GPHN: variants seen among roughly 807,000 people sequenced by gnomAD.
The protein encoded by GPHN is gephyrin.
GPHN carries 17 observed loss-of-function variants against 95.5 expected under a neutral mutation model. The ratio of observed to expected loss-of-function variants is 0.18; its 90% CI spans 0.12 to 0.27. GPHN has a LOEUF of 0.27. GPHN is among the 10% of genes least tolerant of loss of function. GPHN has a pLI of 1.00. For synonymous variants in GPHN, 320 were observed against 322.5 expected, an observed-to-expected ratio of 0.99 and a Z score of 0.08; for missense variants, 660 against 978.1, an observed-to-expected ratio of 0.67 and a Z score of 4.34.
chr14:66,950,344 A>G (rs2068030907), intron 8 of GPHN, among the ~76,000 whole-genome samples: 1 of 152,120 alleles, frequency 6.6e-6, no homozygotes, highest in South Asian at 2.1e-4. Context: ...CCTTTGGTTC[A>G]TCTCTCTTAC....
the GPHN span, among the ~76,000 whole-genome samples, chr14:67,203,629 G>A: frequency 6.6e-6 from 1 of 152,164 alleles, no homozygotes; most frequent in East Asian, 1.9e-4. Context: ...CTTGGTCTAT[G>A]ATCATGAGCA....
the GPHN span, among the ~76,000 whole-genome samples, chr14:67,465,762 A>T: frequency 6.6e-6 from 1 of 152,216 alleles, no homozygotes; most frequent in Non-Finnish European, 1.5e-5. Context: ...TATTTTGAAA[A>T]GGGGTCTTTG....
At chr14:67,455,098 C>T in the GPHN span, among the ~76,000 whole-genome samples, 1 of 152,214 alleles carries the variant, frequency 6.6e-6, no homozygotes, top group Non-Finnish European at 1.5e-5. Flanking sequence ...GATCCACCCG[C>T]CTTGGCCTAC....
At chr14:67,197,589 C>T in the GPHN span, among the ~76,000 whole-genome samples, 1 of 151,920 alleles carries the variant, frequency 6.6e-6, no homozygotes, top group African/African-American at 2.4e-5. Flanking sequence ...TTTCCACCGA[C>T]TTAGAGTCTC....
At chr14:67,541,261 T>A in the GPHN span, among the ~76,000 whole-genome samples, 2 of 152,240 alleles carry the variant, frequency 1.3e-5, no homozygotes, top group African/African-American at 4.8e-5. Flanking sequence ...GGGTTCTGCC[T>A]CTAATTAGCT....
intron 1 of GPHN, among the ~76,000 whole-genome samples, chr14:66,520,530 A>C (rs919562361): frequency 6.6e-6 from 1 of 152,074 alleles, no homozygotes; most frequent in African/African-American, 2.4e-5. Flanking sequence ...GAAGAAATGT[A>C]ATCATGAACT....
the GPHN span, among the ~76,000 whole-genome samples, chr14:67,499,732 C>T: frequency 6.6e-6 from 1 of 152,136 alleles, no homozygotes; most frequent in African/African-American, 2.4e-5. Flanking sequence ...AAAGGCAGTG[C>T]CAGAAATACT....
intron 1 of GPHN, among the ~76,000 whole-genome samples, chr14:66,604,019 T>G (rs2062389627): frequency 6.6e-6 from 1 of 152,120 alleles, no homozygotes; most frequent in South Asian, 2.1e-4. Context: ...GAACACTTGT[T>G]TTTAATATTA....
intron 4 of GPHN, among the ~76,000 whole-genome samples, chr14:66,854,003 A>G (rs190141886): frequency 1.3e-5 from 2 of 152,306 alleles, no homozygotes; most frequent in East Asian, 3.9e-4. Context: ...AAATCAACAA[A>G]TGAGAAACTT....
the GPHN span, among the ~76,000 whole-genome samples, chr14:67,211,207 G>C: frequency 6.6e-6 from 1 of 152,004 alleles, no homozygotes; most frequent in Admixed American, 6.6e-5. Flanking sequence ...ACAATACCAG[G>C]CTCATGGTAA....
chr14:67,330,995 G>A, the GPHN span, among the ~76,000 whole-genome samples: 4 of 151,974 alleles, frequency 2.6e-5, no homozygotes, highest in East Asian at 1.9e-4. Flanking sequence ...TGGTGTAGAG[G>A]ATGGTGTATC....
chr14:67,500,017 A>T, the GPHN span, among the ~76,000 whole-genome samples: 1 of 152,264 alleles, frequency 6.6e-6, no homozygotes, highest in African/African-American at 2.4e-5. Context: ...ACTCCCAGTC[A>T]TAGCTCCTCT....
At chr14:67,428,257 C>T in the GPHN span, among the ~76,000 whole-genome samples, 4 of 152,266 alleles carry the variant, frequency 2.6e-5, no homozygotes, top group South Asian at 6.2e-4. Flanking sequence ...CCCAGACCCC[C>T]ATGGTCAGCT....
chr14:67,392,214 C>T, the GPHN span: 2 of 753,134 alleles, frequency 2.7e-6, no homozygotes, highest in Non-Finnish European at 4.7e-6. Context: ...GTAGATTTTG[C>T]TGTAATTGGT....
At chr14:67,000,156 T>A (rs925795330) in intron 9 of GPHN, among the ~76,000 whole-genome samples, 2 of 151,804 alleles carry the variant, frequency 1.3e-5, no homozygotes, top group Non-Finnish European at 3.0e-5. Flanking sequence ...CCCTTTGAAC[T>A]CTTAGACACT....
chr14:67,093,500 T>C (rs1337457448), intron 12 of GPHN, among the ~76,000 whole-genome samples: 3 of 152,094 alleles, frequency 2.0e-5, no homozygotes, highest in African/African-American at 7.2e-5. Context: ...TGCCCTCTAC[T>C]ATAGGATACT....
chr14:67,344,885 A>G, the GPHN span, among the ~76,000 whole-genome samples: 2 of 151,794 alleles, frequency 1.3e-5, no homozygotes, highest in Middle Eastern at 3.2e-3. Flanking sequence ...TGTCTCAAAG[A>G]AAAAAACAAA....
the GPHN span, chr14:67,345,751 G>C: frequency 6.4e-7 from 1 of 1,565,138 alleles, no homozygotes; most frequent in Non-Finnish European, 8.8e-7. Context: ...GAGTTCTCCA[G>C]GTCTTTTGCT....
chr14:67,562,547 C>T, the GPHN span: 2 of 1,608,906 alleles, frequency 1.2e-6, no homozygotes, highest in Non-Finnish European at 1.7e-6. Flanking sequence ...GGAAGGTGGT[C>T]CTGGCAGCAG....
Sources: allele counts gnomAD v4.1 joint callset (sites outside exome capture counted in the v4.1 genomes callset), GRCh38; gene constraint gnomAD v4.1.1; transcripts MANE v1.5; gene names NCBI Gene and HGNC (gene_info 2026-07-23, HGNC 2026-07-21).